ZNF487: variants seen among roughly 807,000 people sequenced by gnomAD.
The protein encoded by ZNF487 is KRAB domain only 1.
In ZNF487, 4 loss-of-function variants were observed where a neutral mutation model predicts 3.0. That is an observed-to-expected ratio of 1.35 (90% CI 0.66 to 3.08). ZNF487 has a LOEUF of 3.08. Ranked by LOEUF, ZNF487 falls within the 30% of genes most tolerant of loss-of-function variation. The pLI is 0.01. For synonymous variants in ZNF487, 55 were observed against 34.6 expected, an observed-to-expected ratio of 1.59 and a Z score of -2.06; for missense variants, 146 against 98.7, an observed-to-expected ratio of 1.48 and a Z score of -2.03.
intron 1 of ZNF487, among the ~76,000 whole-genome samples, chr10:43,455,897 G>T (rs1190466731): frequency 6.6e-6 from 1 of 152,230 alleles, no homozygotes. Flanking sequence ...GGAAGGAGGC[G>T]GGCACCGCCC....
chr10:43,494,765 C>CAAAAAAAAAAAAAA, the ZNF487 span, among the ~76,000 whole-genome samples: 19 of 35,776 alleles, frequency 5.3e-4, 1 homozygote, highest in African/African-American at 1.3e-3. Flanking sequence ...ACTAAAAATA[C>CAAAAAAAAAAAAAA]AAAAAAAAAA....
At chr10:43,490,979 T>C in the ZNF487 span, among the ~76,000 whole-genome samples, 66,490 of 133,520 alleles carry the variant, frequency 0.5, 17,938 homozygotes, top group East Asian at 0.73. Context: ...TGGCCTTTTT[T>C]TTTCTTTTTT....
downstream of ZNF487, among the ~76,000 whole-genome samples, chr10:43,486,005 C>G (rs1841467599): frequency 6.6e-6 from 1 of 151,974 alleles, no homozygotes; most frequent in South Asian, 2.1e-4. Context: ...CTGAACAAAC[C>G]AGAAGAGGTA....
At chr10:43,453,837 T>C (rs989712179) in intron 1 of ZNF487, 1 of 152,200 alleles carries the variant, frequency 6.6e-6, no homozygotes, top group African/African-American at 2.4e-5. Flanking sequence ...ACTGGTGTTA[T>C]TAAATCATGG....
chr10:43,498,728 G>C, the ZNF487 span, among the ~76,000 whole-genome samples: 5 of 151,782 alleles, frequency 3.3e-5, no homozygotes, highest in Non-Finnish European at 7.4e-5. Context: ...GGATCACGAG[G>C]TCAGGAGATT....
intron 1 of ZNF487, among the ~76,000 whole-genome samples, chr10:43,446,436 A>G (rs1283639385): frequency 7.1e-6 from 1 of 141,392 alleles, no homozygotes; most frequent in African/African-American, 2.7e-5. Flanking sequence ...CAGTTCCCAG[A>G]CAGGGTCGCC....
chr10:43,489,496 G>C, the ZNF487 span, among the ~76,000 whole-genome samples: 1 of 152,124 alleles, frequency 6.6e-6, no homozygotes, highest in South Asian at 2.1e-4. Context: ...TGAGTTTATA[G>C]GCGCCGGCCA....
chr10:43,481,713 T>C lies in ZNF487; in HGVS notation c.415T>C (p.Cys139Arg), dbSNP rs1286735204. The stretch of plus-strand genomic sequence containing the variant: ...TAATGTACGTGGGAAATTTCTCCTC[T>C]GTATGAAGCGTGAGAATCCTTATGC... ...ECNVRGKFLL[C>R]MKRENPYARG... Residue 139 changes from cysteine (C) to arginine (R), a missense_variant, in exon 4 of 4, where the codon TGT (cysteine) becomes CGT (arginine). Cys to Arg is a radical substitution (Grantham distance 180). Transcript: ENST00000437590. 1 of 715,426 alleles carries C rather than the reference T, an allele frequency of 1.4e-6. No homozygotes were observed. The highest frequency in any genetic ancestry group is 2.6e-6 in the Non-Finnish European group (1 of 384,492). The allele number at this position is 715,426 out of a possible 1,614,324, so 44.3% of individuals were successfully genotyped here. A position where few individuals can be genotyped will look rare whatever the true frequency, so the allele number is the denominator to read the frequency against.
At chr10:43,508,403 A>G in the ZNF487 span, among the ~76,000 whole-genome samples, 3 of 152,236 alleles carry the variant, frequency 2.0e-5, no homozygotes, top group African/African-American at 4.8e-5. Flanking sequence ...AGCACTTATG[A>G]CCTTAAAATG....
At chr10:43,441,694 C>G (rs569228287) in intron 1 of ZNF487, among the ~76,000 whole-genome samples, 1 of 152,258 alleles carries the variant, frequency 6.6e-6, no homozygotes, top group East Asian at 1.9e-4. Context: ...TCAAGTGATT[C>G]TCCTGCCTCA....
the ZNF487 span, among the ~76,000 whole-genome samples, chr10:43,493,709 A>AATATATATATAT: frequency 2.1e-4 from 9 of 43,616 alleles, no homozygotes; most frequent in African/African-American, 6.1e-4. Context: ...AAAAAAAAAA[A>AATATATATATAT]ATATATATAT....
At chr10:43,461,040 C>G (rs1840413463) in intron 1 of ZNF487, among the ~76,000 whole-genome samples, 1 of 149,798 alleles carries the variant, frequency 6.7e-6, no homozygotes, top group Admixed American at 6.7e-5. Context: ...GAGTTTCGCT[C>G]TCATCGCCCA....
intron 1 of ZNF487, among the ~76,000 whole-genome samples, chr10:43,457,132 G>GCT (rs1840234613): frequency 6.6e-6 from 1 of 152,156 alleles, no homozygotes; most frequent in Admixed American, 6.5e-5. Flanking sequence ...CCATTCATTA[G>GCT]CTACTCCAGA....
intron 1 of ZNF487, among the ~76,000 whole-genome samples, chr10:43,464,009 T>C (rs918102987): frequency 1.8e-4 from 28 of 151,982 alleles, no homozygotes; most frequent in Admixed American, 4.6e-4. Flanking sequence ...TACCCTGCAG[T>C]GGCCTCTCAG....
chr10:43,443,447 C>T (rs1366265108), intron 1 of ZNF487, among the ~76,000 whole-genome samples: 1 of 150,600 alleles, frequency 6.6e-6, no homozygotes, highest in East Asian at 2.0e-4. Context: ...AATCACGGCT[C>T]ACTGAAACCT....
chr10:43,455,356 A>G (rs1840146242), intron 1 of ZNF487, among the ~76,000 whole-genome samples: 1 of 152,182 alleles, frequency 6.6e-6, no homozygotes. Context: ...ATTGCAAGTA[A>G]GTCTCAAATT....
Position 43,459,768 on chromosome 10 carries a change from TTTATTATTATTATTA to T in ZNF487, c.-93-15920_-93-15906del, listed in dbSNP as rs71016770. On this transcript the variant is annotated intron_variant, in intron 1 of 3. Transcript: ENST00000437590. ...TTTGCCGTGTTGCTCAGGCTGTGAGTTTATTATTATTATTATTATTATTATTATTATTATTATTAT... is the reference window on the plus strand; with the variant it reads ...TTTGCCGTGTTGCTCAGGCTGTGAGTTTATTATTATTATTATTATTATTAT... 5.5e-3 allele frequency among the ~76,000 whole-genome samples: 761 copies of T among 138,292 alleles called. 8 individuals are homozygous for T. Among genetic ancestry groups the T allele is most frequent in the African/African-American group, 0.018 (687 of 37,994 alleles). The allele number at this position is 138,292 out of a possible 152,430, so 90.7% of individuals were successfully genotyped here. A position where few individuals can be genotyped will look rare whatever the true frequency, so the allele number is the denominator to read the frequency against.
At position 43,437,242 on chromosome 10, in the gene ZNF487, C is replaced by A. The variant is rs889937971; in HGVS notation, c.-114C>A. On this transcript the variant is annotated 5_prime_UTR_variant, in exon 1 of 4. Transcript: ENST00000437590. Reference sequence around the variant, plus strand: ...GAGGTGCGGGCTGTGAGAGGGGGAGCGTGGAGCCTCCGAGGCCGAGGTGAG... The same window carrying A: ...GAGGTGCGGGCTGTGAGAGGGGGAGAGTGGAGCCTCCGAGGCCGAGGTGAG... 1 of 224,938 alleles carries A rather than the reference C, an allele frequency of 4.4e-6. No individual in the cohort carries two copies. The highest frequency in any genetic ancestry group is 2.4e-5 in the African/African-American group (1 of 41,684). 13.9% of individuals were successfully genotyped at this position (224,938 alleles called of 1,614,324 possible).
At chr10:43,466,003 C>G (rs1005865293) in intron 1 of ZNF487, among the ~76,000 whole-genome samples, 15 of 152,334 alleles carry the variant, frequency 9.8e-5, no homozygotes, top group Middle Eastern at 3.4e-3. Context: ...CCGGCCAACC[C>G]AGCGAAACCC....
Sources: allele counts gnomAD v4.1 joint callset (sites outside exome capture counted in the v4.1 genomes callset), GRCh38; gene constraint gnomAD v4.1.1; transcripts MANE v1.5; gene names NCBI Gene and HGNC (gene_info 2026-07-23, HGNC 2026-07-21).